Variants in THEM4 observed in about 807,000 individuals in gnomAD.
The protein encoded by THEM4 is thioesterase superfamily member 4, also known as acyl-coenzyme A thioesterase THEM4.
A neutral mutation model predicts 25.0 loss-of-function variants in THEM4; 22 were observed. The ratio of observed to expected loss-of-function variants is 0.88; its 90% confidence interval spans 0.63 to 1.26. THEM4 has a LOEUF of 1.26. Among genes scored for constraint, THEM4 ranks in the 50% most tolerant of loss-of-function variants. THEM4 has a pLI of 0.00. For missense variants in THEM4, 286 were observed against 300.3 expected, an observed-to-expected ratio of 0.95 and a Z score of 0.35; for synonymous variants, 113 against 105.6, an observed-to-expected ratio of 1.07 and a Z score of -0.43.
chr1:151,907,365 A>T (rs969521980), intron 1 of THEM4, among the ~76,000 whole-genome samples: 2 of 152,138 alleles, frequency 1.3e-5, no homozygotes, highest in African/African-American at 4.8e-5. Context: ...GAGACCAAGA[A>T]CCCATCAATT....
rs1178686361 is a variant in THEM4, at chr1:151,871,175, AT to A, written c.*3712del. 6.6e-6 allele frequency among the ~76,000 whole-genome samples: 1 copy of A among 152,144 alleles called. No individual in the cohort carries two copies. The highest frequency in any genetic ancestry group is 1.5e-5 in the Non-Finnish European group (1 of 68,004). On this transcript the variant is annotated 3_prime_UTR_variant, in exon 6 of 6. Transcript: ENST00000368814. ...CCCTGTCTCTACAAACAATACAAAAATTAGCTGGGTTTGGTGGTGTATGCCT... is the reference window on the plus strand; with the variant it reads ...CCCTGTCTCTACAAACAATACAAAAATAGCTGGGTTTGGTGGTGTATGCCT...
At chr1:151,876,086 C>T (rs961854264) in intron 5 of THEM4, among the ~76,000 whole-genome samples, 2 of 152,200 alleles carry the variant, frequency 1.3e-5, no homozygotes, top group Non-Finnish European at 2.9e-5. Flanking sequence ...CAGCCAACAA[C>T]ATGGATGAAC....
Position 151,888,308 on chromosome 1 carries a change from G to A in THEM4, c.522C>T (p.Ile174=), listed in dbSNP as rs747684350. The change falls in exon 4 of 6, where the codon ATC becomes ATT. Residue 174 remains isoleucine (I), a synonymous_variant. Transcript: ENST00000368814. ...TGATGTTGAGATTGGCAGTCATGAC[G>A]ATTCCCCCAGCCATCATTGCACACA... ...VGMCAMMAGG[I]VMTANLNINY... 11 of 1,613,272 alleles carry A rather than the reference G, an allele frequency of 6.8e-6. No homozygotes were observed. Among genetic ancestry groups the A allele is most frequent in the Non-Finnish European group, 9.3e-6 (11 of 1,179,614 alleles).
intron 2 of THEM4, chr1:151,891,117 T>C (rs1437342766): frequency 6.6e-6 from 1 of 152,236 alleles, no homozygotes; most frequent in Non-Finnish European, 1.5e-5. Context: ...AGAAGTTTGT[T>C]GGAAATGCAG....
intron 4 of THEM4, among the ~76,000 whole-genome samples, chr1:151,877,665 C>G (rs572028681): frequency 1.2e-4 from 19 of 152,282 alleles, no homozygotes; most frequent in Non-Finnish European, 2.4e-4. Context: ...TGTTCCATAT[C>G]TGAGCTGTCC....
chr1:151,885,384 G>T (rs907686150), intron 4 of THEM4, among the ~76,000 whole-genome samples: 1 of 152,200 alleles, frequency 6.6e-6, no homozygotes. Context: ...CTCCCAAAGT[G>T]CTGGGATTAC....
intron 1 of THEM4, among the ~76,000 whole-genome samples, chr1:151,899,898 G>T (rs1326173285): frequency 6.6e-6 from 1 of 152,184 alleles, no homozygotes; most frequent in Non-Finnish European, 1.5e-5. Flanking sequence ...CTTAAGAGCT[G>T]TGAGAAAGAA....
intron 4 of THEM4, among the ~76,000 whole-genome samples, chr1:151,880,216 A>C (rs1049947190): frequency 6.6e-6 from 1 of 151,292 alleles, no homozygotes; most frequent in African/African-American, 2.4e-5. Context: ...GCTGTGTCAC[A>C]CCTGTAATCC....
chr1:151,888,497 A>G (rs1159844939), intron 3 of THEM4, 114 bp from the exon 4 acceptor site: 1 of 724,782 alleles, frequency 1.4e-6, no homozygotes, highest in African/African-American at 1.8e-5. Flanking sequence ...TGAAAGGTCC[A>G]CTTAGCCCAT....
At chr1:151,903,140 T>C (rs966200953) in intron 1 of THEM4, among the ~76,000 whole-genome samples, 1 of 152,092 alleles carries the variant, frequency 6.6e-6, no homozygotes, top group Non-Finnish European at 1.5e-5. Flanking sequence ...TTTCCATATA[T>C]ATATATTTTT....
intron 5 of THEM4, among the ~76,000 whole-genome samples, chr1:151,875,299 A>G (rs1052321042): frequency 4.6e-5 from 7 of 152,238 alleles, no homozygotes; most frequent in Non-Finnish European, 1.0e-4. Context: ...CTGTGGATTT[A>G]AGTTATTATC....
At chr1:151,901,679 C>A (rs531786883) in intron 1 of THEM4, among the ~76,000 whole-genome samples, 1 of 152,018 alleles carries the variant, frequency 6.6e-6, no homozygotes, top group Non-Finnish European at 1.5e-5. Flanking sequence ...CCAGTCTCTA[C>A]TAAAAATACA....
chr1:151,883,886 C>T (rs993421759), intron 4 of THEM4, among the ~76,000 whole-genome samples: 1 of 151,912 alleles, frequency 6.6e-6, no homozygotes, highest in Non-Finnish European at 1.5e-5. Flanking sequence ...ACCAGCCTGG[C>T]CAACATGGTG....
rs1653631503 is a variant in THEM4 at position 151,874,638 on chromosome 1, G to A, written c.*250C>T. 1.8e-6 allele frequency: 1 copy of A among 547,626 alleles called. No individual in the cohort carries two copies. The highest frequency in any genetic ancestry group is 3.2e-6 in the Non-Finnish European group (1 of 307,706). The allele number at this position is 547,626 out of a possible 1,614,324, so 33.9% of individuals were successfully genotyped here. On this transcript the variant is annotated 3_prime_UTR_variant, in exon 6 of 6. Transcript: ENST00000368814. Reference sequence around the variant, plus strand: ...AATCCGCCTGCCTCGGCCTCCTAAAGTGCTGGGATTATAGGTGTGAGCCAC... The same window carrying A: ...AATCCGCCTGCCTCGGCCTCCTAAAATGCTGGGATTATAGGTGTGAGCCAC...
At chr1:151,907,879 G>A (rs1054372339) in intron 1 of THEM4, among the ~76,000 whole-genome samples, 10 of 152,218 alleles carry the variant, frequency 6.6e-5, no homozygotes, top group Non-Finnish European at 1.5e-4. Flanking sequence ...GGGGTGCATG[G>A]TGGTGTCTGC....
chr1:151,884,512 T>A (rs180846842), intron 4 of THEM4, among the ~76,000 whole-genome samples: 70 of 152,166 alleles, frequency 4.6e-4, no homozygotes, highest in Admixed American at 1.8e-3. Flanking sequence ...AGCTTTTGAG[T>A]TTCTAGCAAA....
intron 4 of THEM4, among the ~76,000 whole-genome samples, chr1:151,878,269 C>T (rs913029731): frequency 6.6e-6 from 1 of 152,180 alleles, no homozygotes; most frequent in Non-Finnish European, 1.5e-5. Context: ...GGTTGACTGG[C>T]ATTGAATAAT....
At chr1:151,900,478 GA>G (rs1654327953) in intron 1 of THEM4, among the ~76,000 whole-genome samples, 1 of 152,096 alleles carries the variant, frequency 6.6e-6, no homozygotes, top group Admixed American at 6.6e-5. Context: ...TTAAAGGGTG[GA>G]AAAAGGCATT....
At chr1:151,881,459 T>G (rs1023049639) in intron 4 of THEM4, among the ~76,000 whole-genome samples, 1 of 152,250 alleles carries the variant, frequency 6.6e-6, no homozygotes, top group Non-Finnish European at 1.5e-5. Flanking sequence ...ATTGCTTTCC[T>G]TCTTTCTAAA....
Sources: allele counts gnomAD v4.1 joint callset (sites outside exome capture counted in the v4.1 genomes callset), GRCh38; gene constraint gnomAD v4.1.1; transcripts MANE v1.5; gene names NCBI Gene and HGNC (gene_info 2026-07-23, HGNC 2026-07-21).